HPSE2: variants seen among roughly 807,000 people sequenced by gnomAD.
The protein encoded by HPSE2 is inactive heparanase-2.
In HPSE2, 38 loss-of-function variants were observed where a neutral mutation model predicts 60.5. The ratio of observed to expected loss-of-function variants is 0.63; its 90% CI spans 0.48 to 0.82. The LOEUF (loss-of-function observed/expected upper bound fraction) is 0.82, where lower values mean the gene tolerates loss of function less well. Among genes scored for constraint, HPSE2 ranks in the 40% least tolerant of loss-of-function variants. HPSE2 has a pLI of 0.00. For synonymous variants in HPSE2, 295 were observed against 293.2 expected, an observed-to-expected ratio of 1.01 and a Z score of -0.06; for missense variants, 713 against 740.4, an observed-to-expected ratio of 0.96 and a Z score of 0.43.
chr10:99,128,380 T>C (rs967244729), intron 3 of HPSE2, among the ~76,000 whole-genome samples: 3 of 152,188 alleles, frequency 2.0e-5, no homozygotes, highest in African/African-American at 7.2e-5. Context: ...TATGTATGCA[T>C]ATGTTCATTC....
At chr10:99,128,861 A>T (rs60360708) in intron 3 of HPSE2, among the ~76,000 whole-genome samples, 99 of 151,438 alleles carry the variant, frequency 6.5e-4, no homozygotes, top group East Asian at 2.7e-3. Context: ...TTCATTTTTT[A>T]AAAAAAAATC....
At chr10:98,719,472 T>C (rs1307275855) in intron 5 of HPSE2, among the ~76,000 whole-genome samples, 1 of 151,876 alleles carries the variant, frequency 6.6e-6, no homozygotes, top group Non-Finnish European at 1.5e-5. Flanking sequence ...CTGGTATTCT[T>C]AACAAAATGA....
intron 3 of HPSE2, among the ~76,000 whole-genome samples, chr10:98,965,232 G>T (rs1955784063): frequency 6.6e-6 from 1 of 152,048 alleles, no homozygotes; most frequent in Non-Finnish European, 1.5e-5. Flanking sequence ...AATTATCCAT[G>T]ATTTCCAACT....
intron 3 of HPSE2, among the ~76,000 whole-genome samples, chr10:98,904,274 G>A (rs1279132933): frequency 6.6e-6 from 1 of 151,780 alleles, no homozygotes; most frequent in Non-Finnish European, 1.5e-5. Context: ...AGTTTTTGGG[G>A]GAAAAAAAGG....
intron 5 of HPSE2, among the ~76,000 whole-genome samples, 154 bp from the exon 6 acceptor site, chr10:98,694,101 G>A (rs1218912162): frequency 6.6e-6 from 1 of 152,168 alleles, no homozygotes; most frequent in Non-Finnish European, 1.5e-5. Flanking sequence ...CCTAGACACA[G>A]CTATTGGAGG....
At chr10:99,018,374 T>G (rs1328100769) in intron 3 of HPSE2, among the ~76,000 whole-genome samples, 1 of 152,226 alleles carries the variant, frequency 6.6e-6, no homozygotes, top group Non-Finnish European at 1.5e-5. Context: ...CAGCCTCAAG[T>G]ATTCTCTCCC....
intron 2 of HPSE2, among the ~76,000 whole-genome samples, chr10:99,163,419 T>C (rs1846927779): frequency 6.6e-6 from 1 of 152,176 alleles, no homozygotes; most frequent in Non-Finnish European, 1.5e-5. Flanking sequence ...GACATTCTCC[T>C]TCCTCTTTCC....
chr10:98,647,930 AC>A (rs1444617710), intron 6 of HPSE2, among the ~76,000 whole-genome samples: 4 of 152,234 alleles, frequency 2.6e-5, no homozygotes, highest in Non-Finnish European at 5.9e-5. Flanking sequence ...GAATCATCTA[AC>A]CTACTAAAGG....
intron 3 of HPSE2, among the ~76,000 whole-genome samples, chr10:98,978,662 G>A (rs1956140533): frequency 6.6e-6 from 1 of 152,110 alleles, no homozygotes; most frequent in East Asian, 1.9e-4. Flanking sequence ...CAGTATTAAA[G>A]CATGTGACAA....
chr10:98,721,559 A>G, intron 5 of HPSE2, 98 bp downstream of exon 5: 1 of 1,048,008 alleles, frequency 9.5e-7, no homozygotes, highest in South Asian at 1.5e-5. Context: ...CTTAAGACCA[A>G]AATAAATAAA....
chr10:99,247,456 C>T, the HPSE2 span, among the ~76,000 whole-genome samples: 72 of 152,296 alleles, frequency 4.7e-4, no homozygotes, highest in Admixed American at 3.5e-3. Flanking sequence ...AAGTATATAA[C>T]CCATAGATCC....
chr10:98,958,335 G>C (rs1589427290), intron 3 of HPSE2, among the ~76,000 whole-genome samples: 1 of 151,884 alleles, frequency 6.6e-6, no homozygotes. Context: ...TAAAGTCAAG[G>C]ATTAGTCAAA....
At chr10:99,170,434 T>A (rs1847264151) in intron 2 of HPSE2, among the ~76,000 whole-genome samples, 1 of 152,170 alleles carries the variant, frequency 6.6e-6, no homozygotes, top group Non-Finnish European at 1.5e-5. Context: ...TAGTTTAATC[T>A]CCAGAATGTT....
At chr10:99,114,310 C>T (rs1478684650) in intron 3 of HPSE2, among the ~76,000 whole-genome samples, 2 of 152,022 alleles carry the variant, frequency 1.3e-5, no homozygotes, top group East Asian at 1.9e-4. Context: ...TTTAAGTCAC[C>T]GTCCAAAAAA....
At chr10:99,237,558 A>C (rs140902430), upstream of HPSE2, among the ~76,000 whole-genome samples, 18 of 152,346 alleles carry the variant, frequency 1.2e-4, no homozygotes, top group Non-Finnish European at 2.4e-4. Context: ...CCTTCTAGAA[A>C]TAGGACTGCA....
chr10:98,650,309 G>A (rs144050835), intron 6 of HPSE2, among the ~76,000 whole-genome samples: 130 of 152,302 alleles, frequency 8.5e-4, no homozygotes, highest in African/African-American at 2.8e-3. Context: ...GGACTGTCAC[G>A]TTAGTGAGAA....
chr10:98,791,613 T>A (rs1239417812), intron 3 of HPSE2, among the ~76,000 whole-genome samples: 1 of 152,220 alleles, frequency 6.6e-6, no homozygotes, highest in Non-Finnish European at 1.5e-5. Context: ...AATATCTCTA[T>A]AAAACAAACG....
At chr10:99,149,827 T>A (rs1846191921) in intron 2 of HPSE2, among the ~76,000 whole-genome samples, 1 of 151,184 alleles carries the variant, frequency 6.6e-6, no homozygotes, top group Non-Finnish European at 1.5e-5. Flanking sequence ...CAAATAATCA[T>A]AAAACTCTAA....
At chr10:99,313,592 A>ATTTTTTTT in the HPSE2 span, among the ~76,000 whole-genome samples, 7 of 84,622 alleles carry the variant, frequency 8.3e-5, no homozygotes, top group Non-Finnish European at 1.4e-4. Context: ...ACTGACTCCA[A>ATTTTTTTT]TTTTTTTTTT....
Sources: gnomAD v4.1 joint callset for allele counts (sites outside exome capture counted in the v4.1 genomes callset) on GRCh38, gnomAD v4.1.1 for gene constraint, MANE v1.5 for transcripts, NCBI Gene and HGNC (gene_info 2026-07-23, HGNC 2026-07-21) for gene names.